ITPR2: variants seen among roughly 807,000 people sequenced by gnomAD.
ITPR2 encodes inositol 1,4,5-trisphosphate-gated calcium channel ITPR2.
ITPR2 carries 207 observed loss-of-function variants against 317.1 expected under a neutral mutation model. The observed-to-expected ratio is 0.65, with a 90% CI of 0.58 to 0.73. ITPR2 has a LOEUF of 0.73. ITPR2 is among the 30% of genes least tolerant of loss of function. ITPR2 has a pLI of 0.00. For synonymous variants in ITPR2, 1,156 were observed against 1,149.1 expected (o/e 1.01, Z -0.12); for missense variants, 2,613 against 3,284.0 (o/e 0.80, Z 4.99).
At chr12:26,538,575 T>G (rs1304743996) in intron 37 of ITPR2, among the ~76,000 whole-genome samples, 1 of 151,916 alleles carries the variant, frequency 6.6e-6, no homozygotes, top group African/African-American at 2.4e-5. Context: ...TTTTCTTTTT[T>G]TCTTTTTTTC....
chr12:26,611,033 TG>T (rs763641098), intron 26 of ITPR2, among the ~76,000 whole-genome samples: 3 of 152,196 alleles, frequency 2.0e-5, no homozygotes, highest in Non-Finnish European at 4.4e-5. Flanking sequence ...TAACTACCTA[TG>T]GGGCAAGCTG....
chr12:26,731,953 CTCTT>C (rs773505119), intron 2 of ITPR2, among the ~76,000 whole-genome samples: 13 of 151,322 alleles, frequency 8.6e-5, no homozygotes, highest in South Asian at 4.2e-4. Flanking sequence ...TTGTATAAAA[CTCTT>C]TATTTTTAGA....
intron 2 of ITPR2, among the ~76,000 whole-genome samples, chr12:26,743,198 T>C (rs1297752074): frequency 6.6e-6 from 1 of 152,194 alleles, no homozygotes; most frequent in Non-Finnish European, 1.5e-5. Flanking sequence ...TATGGTTTCA[T>C]TTATATGAAG....
intron 14 of ITPR2, 43 bp downstream of exon 14, chr12:26,665,867 T>A (rs1265897162): frequency 5.8e-6 from 9 of 1,554,084 alleles, no homozygotes; most frequent in Non-Finnish European, 7.9e-6. Flanking sequence ...ATACTGTAAT[T>A]CAGAAAATAA....
At chr12:26,615,963 G>A (rs907771341) in intron 26 of ITPR2, among the ~76,000 whole-genome samples, 1 of 151,780 alleles carries the variant, frequency 6.6e-6, no homozygotes, top group Non-Finnish European at 1.5e-5. Context: ...AAGCCACAAT[G>A]GACAATTACA....
intron 2 of ITPR2, among the ~76,000 whole-genome samples, chr12:26,747,655 T>A (rs976927471): frequency 2.6e-5 from 4 of 152,200 alleles, no homozygotes; most frequent in African/African-American, 7.2e-5. Context: ...GCTCATCACC[T>A]CTCAGCAGAA....
chr12:26,573,670 T>C (rs1945214506), intron 34 of ITPR2, among the ~76,000 whole-genome samples: 1 of 152,058 alleles, frequency 6.6e-6, no homozygotes, highest in African/African-American at 2.4e-5. Flanking sequence ...AGTGACATTC[T>C]CCAGGAAGAG....
chr12:26,487,216 CTT>C lies in ITPR2; in HGVS notation c.5404_5405del (p.Lys1802ValfsTer6). ...AGAGAACTTTAAAGAATTTTTCTGA[CTT>C]TTTTTGTTCATGCAACTGCTGGTAG... ...SFYQQLHEQK[K>X]SEKFFKVLYD... On this transcript the variant is annotated frameshift_variant, in exon 40 of 57. Coordinates refer to ENST00000381340, the MANE Select transcript of ITPR2 (RefSeq NM_002223.4). LOFTEE classifies it high-confidence loss of function. 6.2e-7 allele frequency: 1 copy of C among 1,604,914 alleles called. No homozygotes were observed. The highest frequency in any genetic ancestry group is 8.5e-7 in the Non-Finnish European group (1 of 1,177,656).
In ITPR2 at chr12:26,578,759, C is replaced by G; in HGVS notation, c.4584G>C (p.Ala1528=). The change falls in exon 34 of 57, where the codon GCG becomes GCC. Residue 1528 remains alanine, a synonymous_variant. Transcript: ENST00000381340. ...RIYNCTWPNP[A]QKASVESCIR... is the part of the protein sequence containing the mutation. ...TACAGGATTCCACTGAGGCTTTCTGCGCTGGGTTTGGCCAGGTGCAATTGT... is the reference window on the plus strand; with the variant it reads ...TACAGGATTCCACTGAGGCTTTCTGGGCTGGGTTTGGCCAGGTGCAATTGT... 2 of 1,611,060 alleles carry G rather than the reference C, an allele frequency of 1.2e-6. No homozygotes were observed. Among genetic ancestry groups the G allele is most frequent in the South Asian group, 2.2e-5 (2 of 90,792 alleles).
chr12:26,339,483 T>C lies in ITPR2; in HGVS notation c.8020A>G (p.Met2674Val). The part of the protein sequence containing the change: ...SGQLAELKEQ[M>V]TEQRKNKQRL... The stretch of plus-strand genomic sequence containing the variant: ...TGCTTATTCTTCCTTTGTTCTGTCA[T>C]CTGGGGGAAAAGAGAGAGTGTGTGT... Residue 2674 changes from methionine (M) to valine (V), a missense_variant and splice_region_variant, in exon 57 of 57, where the codon ATG (methionine) becomes GTG (valine). This residue lies in a region of ITPR2 where 119 missense variants were observed against 144.3 expected (regional missense o/e 0.82). Coordinates refer to ENST00000381340, the MANE Select transcript of ITPR2 (RefSeq NM_002223.4). 9 of 1,613,396 alleles carry C rather than the reference T, an allele frequency of 5.6e-6. No homozygotes were observed. Among genetic ancestry groups the C allele is most frequent in the Non-Finnish European group, 7.6e-6 (9 of 1,179,458 alleles).
chr12:26,521,120 G>A (rs1228784196), intron 37 of ITPR2, among the ~76,000 whole-genome samples: 1 of 149,208 alleles, frequency 6.7e-6, no homozygotes, highest in Non-Finnish European at 1.5e-5. Context: ...TAACCAACCT[G>A]TATAATGCTG....
At chr12:26,780,070 G>C (rs1005826094) in intron 2 of ITPR2, among the ~76,000 whole-genome samples, 11 of 152,156 alleles carry the variant, frequency 7.2e-5, no homozygotes, top group African/African-American at 2.7e-4. Flanking sequence ...AGCCACCGCT[G>C]TCATCACCAA....
intron 32 of ITPR2, among the ~76,000 whole-genome samples, chr12:26,593,119 A>C (rs1008454460): frequency 1.1e-4 from 16 of 152,208 alleles, no homozygotes; most frequent in African/African-American, 3.9e-4. Context: ...GGTCTGGCTA[A>C]ATCTTTTGAA....
At chr12:26,393,483 G>A (rs149916489) in intron 54 of ITPR2, among the ~76,000 whole-genome samples, 1 of 152,286 alleles carries the variant, frequency 6.6e-6, no homozygotes, top group Non-Finnish European at 1.5e-5. Context: ...AGGGAAGGGA[G>A]CAGAAAATGT....
chr12:26,718,274 T>C (rs186026845), intron 5 of ITPR2, among the ~76,000 whole-genome samples: 65 of 152,132 alleles, frequency 4.3e-4, no homozygotes, highest in Non-Finnish European at 8.5e-4. Context: ...CAACTTCCAA[T>C]TTCTTAAAGA....
chr12:26,540,301 A>G lies in ITPR2; in HGVS notation c.5073+9946T>C, dbSNP rs139538358. ...TTTGATAAGTGCTGAAATGATTACA[A>G]ATTAGAATGATATGGAATTAAACTA... On this transcript the variant is annotated intron_variant, in intron 37 of 56. Coordinates refer to ENST00000381340, the MANE Select transcript of ITPR2 (RefSeq NM_002223.4). Among the ~76,000 whole-genome samples, 634 of 152,356 alleles carry G rather than the reference A, an allele frequency of 4.2e-3. 3 individuals carry two copies. The highest frequency in any genetic ancestry group is 4.4e-3 in the Non-Finnish European group (301 of 68,036).
At chr12:26,399,399 T>C (rs1194143673) in intron 53 of ITPR2, among the ~76,000 whole-genome samples, 1 of 152,210 alleles carries the variant, frequency 6.6e-6, no homozygotes, top group East Asian at 1.9e-4. Context: ...AAGTCAGTGA[T>C]TGGGGAGCTA....
intron 32 of ITPR2, among the ~76,000 whole-genome samples, chr12:26,587,609 C>T (rs1044348205): frequency 6.6e-6 from 1 of 152,094 alleles, no homozygotes; most frequent in Non-Finnish European, 1.5e-5. Flanking sequence ...GAAGGGTGGT[C>T]ATAGGGCAGA....
At chr12:26,359,599 G>A (rs1469065891) in intron 55 of ITPR2, among the ~76,000 whole-genome samples, 2 of 134,942 alleles carry the variant, frequency 1.5e-5, no homozygotes, top group African/African-American at 4.9e-5. Flanking sequence ...TTTCTCTTGT[G>A]GGGAAAAAAA....
Sources: gnomAD v4.1 joint callset for allele counts (sites outside exome capture counted in the v4.1 genomes callset) on GRCh38, gnomAD v4.1.1 for gene constraint, gnomAD v4.1.1 regional missense constraint, MANE v1.5 for transcripts, NCBI Gene and HGNC (gene_info 2026-07-23, HGNC 2026-07-21) for gene names.